The following SPAG1 variants were observed in gnomAD, a reference collection of about 807,000 sequenced individuals.
SPAG1 encodes sperm-associated antigen 1.
Under a neutral mutation model 100.5 loss-of-function variants are expected in SPAG1, and 69 were observed. The observed-to-expected ratio is 0.69, with a 90% confidence interval of 0.57 to 0.84. The LOEUF is 0.84. Among genes scored for constraint, SPAG1 ranks in the 40% least tolerant of loss-of-function variants. The pLI, the probability that SPAG1 is intolerant of heterozygous loss-of-function variation, is 0.00. For missense variants in SPAG1, 955 were observed against 1,133.1 expected, an observed-to-expected ratio of 0.84 and a Z score of 2.26; for synonymous variants, 336 against 411.6, an observed-to-expected ratio of 0.82 and a Z score of 2.22.
At chr8:100,202,709 CAAAAAAAAAAAAAA>C (rs750153561) in intron 10 of SPAG1, among the ~76,000 whole-genome samples, 3 of 27,452 alleles carry the variant, frequency 1.1e-4, no homozygotes, top group African/African-American at 1.6e-4. Context: ...GACTCCGTCT[CAAAAAAAAAAAAAA>C]AAAAAAAAAA....
rs1819231694 is a variant in SPAG1, at chr8:100,240,831, A to T, written c.2649+60A>T. 7.0e-6 allele frequency: 11 copies of T among 1,569,234 alleles called. No individual in the cohort carries two copies. In the East Asian group the frequency reaches 2.5e-4, roughly 35 times the overall value. ...TTTTATTAGGGTTTCTGTAACTTAA[A>T]AATGTTACTTATGCTAACATAGTTG... On this transcript the variant is annotated intron_variant, in intron 18 of 18. Transcript: ENST00000388798.
At chr8:100,198,104 A>G (rs1178367633) in intron 10 of SPAG1, among the ~76,000 whole-genome samples, 1 of 152,226 alleles carries the variant, frequency 6.6e-6, no homozygotes, top group East Asian at 1.9e-4. Flanking sequence ...ATCAGAGGAA[A>G]GTGAGCATCT....
At chr8:100,163,890 A>G (rs761395347) in intron 2 of SPAG1, among the ~76,000 whole-genome samples, 1 of 152,234 alleles carries the variant, frequency 6.6e-6, no homozygotes, top group South Asian at 2.1e-4. Context: ...CTACAGTTAT[A>G]ATAATGTTGG....
intron 16 of SPAG1, among the ~76,000 whole-genome samples, chr8:100,238,118 C>T (rs570764161): frequency 1.3e-5 from 2 of 152,300 alleles, no homozygotes; most frequent in African/African-American, 4.8e-5. Context: ...CCTCCTGCTC[C>T]ACTCCCTTGC....
intron 4 of SPAG1, 131 bp downstream of exon 4, chr8:100,178,072 TG>T: frequency 1.6e-6 from 1 of 624,198 alleles, no homozygotes; most frequent in East Asian, 2.7e-5. Flanking sequence ...TTTGTTCAGC[TG>T]GCTGGGAACT....
chr8:100,194,000 C>G, intron 9 of SPAG1, 112 bp from the exon 10 acceptor site: 1 of 930,272 alleles, frequency 1.1e-6, no homozygotes, highest in Non-Finnish European at 1.5e-6. Context: ...CAAAAAAAAG[C>G]CTTGTCTTAG....
At chr8:100,237,782 G>C (rs969549544) in intron 16 of SPAG1, among the ~76,000 whole-genome samples, 11 of 152,044 alleles carry the variant, frequency 7.2e-5, no homozygotes, top group African/African-American at 2.7e-4. Flanking sequence ...TGCATTTCTT[G>C]TTTTCTTATG....
At chr8:100,240,864 G>GA in intron 18 of SPAG1, 27 bp from the exon 19 acceptor site, 1 of 1,388,406 alleles carries the variant, frequency 7.2e-7, no homozygotes, top group Non-Finnish European at 9.6e-7. Context: ...TTGGTTTTTT[G>GA]TTTTTTTTTT....
chr8:100,199,511 T>C (rs1302342467), intron 10 of SPAG1, among the ~76,000 whole-genome samples: 1 of 152,214 alleles, frequency 6.6e-6, no homozygotes, highest in Admixed American at 6.5e-5. Flanking sequence ...AATGGCATGA[T>C]CTTGGCTCAC....
At chr8:100,187,302 A>G in intron 8 of SPAG1, 52 bp downstream of exon 8, 1 of 1,457,754 alleles carries the variant, frequency 6.9e-7, no homozygotes, top group African/African-American at 1.4e-5. Context: ...CCATTAATAA[A>G]GACCATTTGT....
chr8:100,171,788 G>A (rs1815864165), intron 3 of SPAG1, among the ~76,000 whole-genome samples: 4 of 152,222 alleles, frequency 2.6e-5, no homozygotes. Context: ...GTTGTCTAGT[G>A]TCTGACCACC....
intron 12 of SPAG1, among the ~76,000 whole-genome samples, chr8:100,215,533 G>T (rs1817941809): frequency 6.6e-6 from 1 of 152,070 alleles, no homozygotes; most frequent in Non-Finnish European, 1.5e-5. Context: ...AGTTTATTTT[G>T]TTTTTTTGTT....
rs1033069015 is a variant in SPAG1 at position 100,205,822 on chromosome 8, C to T, written c.1097-7268C>T. 4.0e-5 allele frequency among the ~76,000 whole-genome samples: 6 copies of T among 151,648 alleles called. No homozygotes were observed. The East Asian group carries it at 1.2e-3, about 29-fold the overall frequency. On this transcript the variant is annotated intron_variant, in intron 10 of 18. Transcript: ENST00000388798. ...ACGAGGTCAAGAGATCGAGACCATC[C>T]TGGGCAACATGGTGAAACCCCGTCT...
In SPAG1 at chr8:100,233,403, TA is replaced by T; in HGVS notation, c.1989-7del. ...TTCATAATACTGAGTTCCATTGCAT[TA>T]TGCCAGAGCTCTCTGTTACTTGAAG... On this transcript the variant is annotated splice_polypyrimidine_tract_variant and splice_region_variant and intron_variant, in intron 15 of 18. Transcript: ENST00000388798. 6.2e-7 allele frequency: 1 copy of T among 1,613,684 alleles called. No individual in the cohort carries two copies. The highest frequency in any genetic ancestry group is 8.5e-7 in the Non-Finnish European group (1 of 1,179,824).
chr8:100,170,714 A>G (rs1231288227), intron 3 of SPAG1, among the ~76,000 whole-genome samples: 1 of 152,020 alleles, frequency 6.6e-6, no homozygotes, highest in Non-Finnish European at 1.5e-5. Context: ...TAGTTCTAGG[A>G]ATGTTTTTGT....
chr8:100,213,535 C>A, intron 11 of SPAG1, 107 bp downstream of exon 11: 2 of 908,448 alleles, frequency 2.2e-6, no homozygotes, highest in Non-Finnish European at 2.9e-6. Flanking sequence ...TGACAGGCGC[C>A]GGCATCGCTG....
At chr8:100,210,763 C>A (rs1291867436) in intron 10 of SPAG1, among the ~76,000 whole-genome samples, 1 of 152,018 alleles carries the variant, frequency 6.6e-6, no homozygotes, top group African/African-American at 2.4e-5. Flanking sequence ...TCAAGCAATC[C>A]TCCTGCCTCA....
chr8:100,214,924 G>A lies in SPAG1; in HGVS notation c.1535+1006G>A, dbSNP rs533371542. Among the ~76,000 whole-genome samples, 762 of 147,830 alleles carry A rather than the reference G, an allele frequency of 5.2e-3. 6 individuals are homozygous for A. Among genetic ancestry groups the A allele is most frequent in the African/African-American group, 0.018 (728 of 39,938 alleles). ...GAACCTGGGAGGCAGATGTTGCAGT[G>A]AGCAGAGATGCCACCACTGCAGTCC... On this transcript the variant is annotated intron_variant, in intron 12 of 18. Coordinates refer to ENST00000388798, the MANE Select transcript of SPAG1 (RefSeq NM_003114.5).
rs973819096 is a variant in SPAG1, at chr8:100,213,264, CGGCGGCGGCGGCG to C, written c.1282_1294del (p.Ala428ProfsTer17). The C allele has an allele frequency of 2.6e-6, 3 of 1,175,618 alleles. No homozygotes were observed. Among genetic ancestry groups the C allele is most frequent in the South Asian group, 4.2e-5 (1 of 24,046 alleles). 72.8% of individuals were successfully genotyped at this position (1,175,618 alleles called of 1,614,324 possible). On this transcript the variant is annotated frameshift_variant, in exon 11 of 19. Transcript: ENST00000388798. LOFTEE classifies it high-confidence loss of function. Reference sequence around the variant, plus strand: ...AAGCGGAGCCCACGGCGGGCCTCTGCGGCGGCGGCGGCGGGCGGCGGCGCCACCGGGCATCCGG... The same window carrying C: ...AAGCGGAGCCCACGGCGGGCCTCTGCGGCGGCGGCGCCACCGGGCATCCGG...
Sources: allele counts gnomAD v4.1 joint callset (sites outside exome capture counted in the v4.1 genomes callset), GRCh38; gene constraint gnomAD v4.1.1; transcripts MANE v1.5; gene names NCBI Gene and HGNC (gene_info 2026-07-23, HGNC 2026-07-21).